PBX1: variants seen among roughly 807,000 people sequenced by gnomAD.
The protein encoded by PBX1 is pre-B-cell leukemia transcription factor 1.
Under a neutral mutation model 53.4 loss-of-function variants are expected in PBX1, and 6 were observed. That is an observed-to-expected ratio of 0.11 (90% CI 0.06 to 0.22). The LOEUF (loss-of-function observed/expected upper bound fraction) is 0.22. Among genes scored for constraint, PBX1 ranks in the 10% least tolerant of loss-of-function variants. The pLI, the probability that PBX1 is intolerant of heterozygous loss-of-function variation, is 1.00. For synonymous variants in PBX1, 204 were observed against 212.3 expected (o/e 0.96, Z 0.34); for missense variants, 251 against 551.4 (o/e 0.46, Z 5.46).
chr1:164,786,741 G>A (rs1001394608), intron 2 of PBX1, among the ~76,000 whole-genome samples: 25 of 143,794 alleles, frequency 1.7e-4, no homozygotes, highest in East Asian at 7.0e-4. Context: ...ACACACACAC[G>A]CACAGAATAG....
chr1:164,786,399 C>T (rs1668176332), intron 2 of PBX1, among the ~76,000 whole-genome samples: 1 of 152,040 alleles, frequency 6.6e-6, no homozygotes, highest in Non-Finnish European at 1.5e-5. Flanking sequence ...TCATTTTCGG[C>T]TCTTCTCGTC....
intron 2 of PBX1, among the ~76,000 whole-genome samples, chr1:164,717,776 C>T (rs1404010099): frequency 6.6e-6 from 1 of 152,102 alleles, no homozygotes; most frequent in Non-Finnish European, 1.5e-5. Context: ...TAGTCATTGT[C>T]TAGGGGAAGA....
chr1:164,803,625 G>A (rs1303072544), intron 4 of PBX1, among the ~76,000 whole-genome samples: 1 of 152,166 alleles, frequency 6.6e-6, no homozygotes, highest in Non-Finnish European at 1.5e-5. Context: ...GGAACGCAGA[G>A]GCATATGATG....
At chr1:164,881,732 T>C (rs1672664900) in intron 2 of PBX1, among the ~76,000 whole-genome samples, 2 of 152,156 alleles carry the variant, frequency 1.3e-5, no homozygotes, top group Non-Finnish European at 2.9e-5. Flanking sequence ...CATTGGCTAC[T>C]GTGTGCTGTC....
chr1:164,613,086 C>G (rs1348434868), intron 2 of PBX1, among the ~76,000 whole-genome samples: 1 of 152,174 alleles, frequency 6.6e-6, no homozygotes, highest in Non-Finnish European at 1.5e-5. Context: ...AATATTTTTA[C>G]AAATTATGAA....
At chr1:164,715,332 T>A (rs1248603033) in intron 2 of PBX1, among the ~76,000 whole-genome samples, 1 of 152,222 alleles carries the variant, frequency 6.6e-6, no homozygotes, top group Non-Finnish European at 1.5e-5. Flanking sequence ...ACTGCAGAGG[T>A]CTGATTATAA....
intron 2 of PBX1, chr1:164,680,736 A>G (rs1355852739): frequency 6.6e-6 from 1 of 152,164 alleles, no homozygotes. Context: ...AACTTTCCCC[A>G]TTCTGTCTGA....
At chr1:164,756,420 A>G (rs1377183186) in intron 2 of PBX1, among the ~76,000 whole-genome samples, 2 of 152,242 alleles carry the variant, frequency 1.3e-5, no homozygotes, top group Non-Finnish European at 2.9e-5. Context: ...TGTTTTTTTC[A>G]GAGATAATTT....
chr1:164,791,984 CTGGCTAATTT>C (rs1668534933), intron 2 of PBX1, among the ~76,000 whole-genome samples: 1 of 152,018 alleles, frequency 6.6e-6, no homozygotes, highest in Admixed American at 6.6e-5. Flanking sequence ...ACCACCACGC[CTGGCTAATTT>C]TTTGTATTTT....
At chr1:164,817,760 G>T (rs766450293) in intron 6 of PBX1, 1 of 152,198 alleles carries the variant, frequency 6.6e-6, no homozygotes. Flanking sequence ...TGGATGCCAC[G>T]TCATTGGACA....
At chr1:164,755,129 C>A (rs1163971056) in intron 2 of PBX1, among the ~76,000 whole-genome samples, 2 of 152,148 alleles carry the variant, frequency 1.3e-5, no homozygotes, top group Non-Finnish European at 2.9e-5. Flanking sequence ...GATTCCAATT[C>A]ATTGATCTAG....
chr1:164,794,571 T>C (rs958100706), intron 3 of PBX1, among the ~76,000 whole-genome samples: 4 of 152,162 alleles, frequency 2.6e-5, no homozygotes, highest in Admixed American at 6.5e-5. Flanking sequence ...TTGGCTCATA[T>C]AGACATTTCC....
Position 164,780,010 on chromosome 1 carries a change from G to A in PBX1, c.266-12484G>A, listed in dbSNP as rs536965029. The stretch of plus-strand genomic sequence containing the variant: ...CTCCTCATCTATCTCTCTGTCACCC[G>A]TTGATGCATTTAGCCAGCATCTTGT... On this transcript the variant is annotated intron_variant, in intron 2 of 8. Coordinates refer to ENST00000420696, the MANE Select transcript of PBX1 (RefSeq NM_002585.4). 6.8e-4 allele frequency among the ~76,000 whole-genome samples: 104 copies of A among 152,298 alleles called. 3 individuals carry two copies. In the South Asian group the frequency reaches 0.018, roughly 27 times the overall value.
chr1:164,695,444 A>C (rs1003680417), intron 2 of PBX1, among the ~76,000 whole-genome samples: 20 of 152,160 alleles, frequency 1.3e-4, no homozygotes, highest in Admixed American at 8.5e-4. Flanking sequence ...TATACCTTTG[A>C]AGATTGTCTC....
intron 2 of PBX1, among the ~76,000 whole-genome samples, chr1:164,645,661 T>A (rs1271012921): frequency 6.6e-6 from 1 of 152,068 alleles, no homozygotes; most frequent in Non-Finnish European, 1.5e-5. Flanking sequence ...TTGAAAATAG[T>A]TGAGGGCCCA....
chr1:164,884,119 T>C (rs1192093750), intron 2 of PBX1, among the ~76,000 whole-genome samples: 1 of 152,190 alleles, frequency 6.6e-6, no homozygotes. Flanking sequence ...GCTTCATCTG[T>C]AAAACACGGG....
chr1:164,822,559 T>G (rs1365489006), intron 8 of PBX1, among the ~76,000 whole-genome samples: 4 of 152,216 alleles, frequency 2.6e-5, no homozygotes, highest in Non-Finnish European at 5.9e-5. Context: ...ATATAATGTC[T>G]GCAGTGAAGG....
intron 2 of PBX1, among the ~76,000 whole-genome samples, chr1:164,609,809 T>C (rs1463006423): frequency 6.6e-6 from 1 of 152,210 alleles, no homozygotes; most frequent in African/African-American, 2.4e-5. Flanking sequence ...GACTGGCACG[T>C]AGTAGGCACT....
At chr1:164,683,976 T>C (rs994552806) in intron 2 of PBX1, 2 of 152,118 alleles carry the variant, frequency 1.3e-5, no homozygotes, top group South Asian at 4.1e-4. Flanking sequence ...AGGCTAATTT[T>C]ATGTATTTTT....
Sources: gnomAD v4.1 joint callset for allele counts (sites outside exome capture counted in the v4.1 genomes callset) on GRCh38, gnomAD v4.1.1 for gene constraint, MANE v1.5 for transcripts, NCBI Gene and HGNC (gene_info 2026-07-23, HGNC 2026-07-21) for gene names.